The following EPHA4 variants were observed in gnomAD, a reference collection of about 807,000 sequenced individuals.
The protein encoded by EPHA4 is EPH receptor A4.
Under a neutral mutation model 108.3 loss-of-function variants are expected in EPHA4, and 19 were observed. The ratio of observed to expected loss-of-function variants is 0.18; its 90% CI spans 0.12 to 0.26. The LOEUF is 0.26. Ranked by LOEUF, EPHA4 falls within the 10% of genes least tolerant of loss-of-function variation. EPHA4 has a pLI of 1.00. For synonymous variants in EPHA4, 449 were observed against 455.5 expected (o/e 0.99, Z 0.18); for missense variants, 917 against 1,254.0 (o/e 0.73, Z 4.06).
chr2:221,471,553 A>G (rs1691488725), intron 5 of EPHA4, among the ~76,000 whole-genome samples: 1 of 152,194 alleles, frequency 6.6e-6, no homozygotes, highest in Non-Finnish European at 1.5e-5. Context: ...AAAGAAGTGG[A>G]GGGAAAGAGA....
intron 14 of EPHA4, among the ~76,000 whole-genome samples, chr2:221,431,705 C>G (rs530721592): frequency 6.6e-6 from 1 of 152,308 alleles, no homozygotes; most frequent in African/African-American, 2.4e-5. Context: ...GAAAGCAACA[C>G]TGGGCTGATG....
At chr2:221,557,702 C>G (rs1394550244) in intron 3 of EPHA4, among the ~76,000 whole-genome samples, 3 of 152,056 alleles carry the variant, frequency 2.0e-5, no homozygotes, top group Non-Finnish European at 2.9e-5. Context: ...AAAAAGGACC[C>G]AATTGAGTAG....
chr2:221,536,764 T>C (rs1693684189), intron 3 of EPHA4, among the ~76,000 whole-genome samples: 2 of 152,208 alleles, frequency 1.3e-5, no homozygotes, highest in Non-Finnish European at 2.9e-5. Flanking sequence ...GAAGGCTTGG[T>C]CAGTGGCCAG....
chr2:221,447,106 A>G lies in EPHA4; in HGVS notation c.1716-925T>C, dbSNP rs1265617747. Among the ~76,000 whole-genome samples, 8 of 152,328 alleles carry G rather than the reference A, an allele frequency of 5.3e-5. No homozygotes were observed. The East Asian group carries it at 1.5e-3, about 29-fold the overall frequency. On this transcript the variant is annotated intron_variant, in intron 8 of 17. Coordinates refer to ENST00000281821, the MANE Select transcript of EPHA4 (RefSeq NM_004438.5). ...TATACATAGTGAGTCAGGAGAATAT[A>G]TATCACTTAAAGGAATCAGAAAGTC...
intron 5 of EPHA4, among the ~76,000 whole-genome samples, chr2:221,477,046 T>TTTATTATTA (rs140420658): frequency 2.7e-5 from 4 of 148,940 alleles, no homozygotes; most frequent in African/African-American, 7.4e-5. Context: ...GCCACTTTAT[T>TTTATTATTA]TTATTATTAT....
intron 4 of EPHA4, among the ~76,000 whole-genome samples, chr2:221,489,876 C>A (rs139292580): frequency 3.6e-4 from 55 of 152,290 alleles, no homozygotes; most frequent in Non-Finnish European, 7.2e-4. Flanking sequence ...AGCACAGTGG[C>A]TCATGACTGT....
chr2:221,560,938 T>C (rs1331714471), intron 3 of EPHA4, among the ~76,000 whole-genome samples: 1 of 152,158 alleles, frequency 6.6e-6, no homozygotes. Context: ...GAGTCTCAAG[T>C]CATCTTTTAA....
At chr2:221,525,176 T>C (rs1399180802) in intron 3 of EPHA4, among the ~76,000 whole-genome samples, 2 of 152,174 alleles carry the variant, frequency 1.3e-5, no homozygotes, top group Non-Finnish European at 1.5e-5. Context: ...GTGTTCACAA[T>C]GGCCTCAGGA....
chr2:221,537,845 G>C (rs1359804095), intron 3 of EPHA4, among the ~76,000 whole-genome samples: 1 of 152,164 alleles, frequency 6.6e-6, no homozygotes. Flanking sequence ...GACGAAGAAG[G>C]AGGAGGAGGA....
Position 221,425,526 on chromosome 2 carries a change from T to A in EPHA4, c.*502A>T, listed in dbSNP as rs1689873369. ...GAGCCACGTCGCTTTCTCCTAGGAC[T>A]TTTTTTTCCCCCATGGTATGAACCA... On this transcript the variant is annotated 3_prime_UTR_variant, in exon 17 of 18. Transcript: ENST00000281821. 1 of 152,492 alleles carries A rather than the reference T, an allele frequency of 6.6e-6. No individual in the cohort carries two copies. The highest frequency in any genetic ancestry group is 2.4e-5 in the African/African-American group (1 of 41,250). 9.4% of individuals were successfully genotyped at this position (152,492 alleles called of 1,614,324 possible).
At position 221,546,006 on chromosome 2, in the gene EPHA4, C is replaced by T. The variant is rs77548312; in HGVS notation, c.823+17725G>A. On this transcript the variant is annotated intron_variant, in intron 3 of 17. Transcript: ENST00000281821. ...ATCCCCAGCAGGACTCAGCATCTCC[C>T]TCCCCCAGGGCTTTACCTGAACTTA... 2.9e-3 allele frequency among the ~76,000 whole-genome samples: 446 copies of T among 152,322 alleles called. 1 individual carries two copies. Among genetic ancestry groups the T allele is most frequent in the African/African-American group, 9.9e-3 (413 of 41,572 alleles).
chr2:221,431,600 C>T (rs3770204), intron 14 of EPHA4, among the ~76,000 whole-genome samples: 59,120 of 152,084 alleles, frequency 0.39, 13,214 homozygotes, highest in East Asian at 0.64. Context: ...AATTACACTA[C>T]GTCAGTTTGA....
At chr2:221,461,416 A>G (rs186258583) in intron 5 of EPHA4, among the ~76,000 whole-genome samples, 5 of 151,992 alleles carry the variant, frequency 3.3e-5, no homozygotes, top group Admixed American at 1.3e-4. Flanking sequence ...CCTTAAATAT[A>G]TGGTTCAATA....
rs146194723 is a variant in EPHA4, at chr2:221,442,440, A to G, written c.2074+389T>C. Among the ~76,000 whole-genome samples, 124 of 152,334 alleles carry G rather than the reference A, an allele frequency of 8.1e-4. 2 individuals carry two copies. Among genetic ancestry groups the G allele is most frequent in the Admixed American group, 2.2e-3 (34 of 15,304 alleles). On this transcript the variant is annotated intron_variant, in intron 11 of 17. Coordinates refer to ENST00000281821, the MANE Select transcript of EPHA4 (RefSeq NM_004438.5). ...CCCAAGCTTCACTCTCTGCATCTGG[A>G]ACCAAAGATTCCAGCACAAGGTGTG...
chr2:221,534,228 A>T (rs1693599509), intron 3 of EPHA4, among the ~76,000 whole-genome samples: 1 of 152,214 alleles, frequency 6.6e-6, no homozygotes, highest in Admixed American at 6.5e-5. Context: ...TTACTAAAAA[A>T]TGAATTTGTG....
chr2:221,421,547 C>T (rs1222680057), intron 17 of EPHA4, among the ~76,000 whole-genome samples: 2 of 152,178 alleles, frequency 1.3e-5, no homozygotes, highest in Non-Finnish European at 2.9e-5. Context: ...ACTAATCAGC[C>T]GCAGGCTGGA....
In EPHA4 at chr2:221,568,798, A is replaced by G. The variant is rs1439199704; in HGVS notation, c.92-13T>C. The G allele has an allele frequency of 1.2e-6, 2 of 1,608,576 alleles. No homozygotes were observed. Among genetic ancestry groups the G allele is most frequent in the Admixed American group, 3.4e-5 (2 of 59,284 alleles). ...TCCAATAAGGTAACTGCAAAAAACA[A>G]AAGAAAAATAGATGAATTTCCAATT... On this transcript the variant is annotated splice_polypyrimidine_tract_variant and intron_variant, in intron 1 of 17. Transcript: ENST00000281821.
At chr2:221,447,055 C>T (rs1690615258) in intron 8 of EPHA4, among the ~76,000 whole-genome samples, 1 of 152,040 alleles carries the variant, frequency 6.6e-6, no homozygotes, top group African/African-American at 2.4e-5. Context: ...CAACTCAAGC[C>T]TTGCAAATCA....
chr2:221,473,923 G>A (rs1164677956), intron 5 of EPHA4, among the ~76,000 whole-genome samples: 1 of 152,180 alleles, frequency 6.6e-6, no homozygotes. Flanking sequence ...GATTACTGGT[G>A]AATGAATTTC....
Sources: allele counts gnomAD v4.1 joint callset (sites outside exome capture counted in the v4.1 genomes callset), GRCh38; gene constraint gnomAD v4.1.1; transcripts MANE v1.5; gene names NCBI Gene and HGNC (gene_info 2026-07-23, HGNC 2026-07-21).